Variants in TLN2 observed in about 807,000 individuals in gnomAD.
TLN2 encodes the protein talin 2, also known as talin-2.
TLN2 carries 118 observed loss-of-function variants against 294.7 expected under a neutral mutation model. That is an observed-to-expected ratio of 0.40 (90% CI 0.34 to 0.47). TLN2 has a LOEUF of 0.47. Ranked by LOEUF, TLN2 falls within the 20% of genes least tolerant of loss-of-function variation. The pLI is 0.84. For synonymous variants in TLN2, 1,431 were observed against 1,304.5 expected, an observed-to-expected ratio of 1.10 and a Z score of -2.09; for missense variants, 3,083 against 3,282.2, an observed-to-expected ratio of 0.94 and a Z score of 1.48.
chr15:62,794,500 GTC>G (rs1471904872), intron 46 of TLN2, among the ~76,000 whole-genome samples: 4 of 152,146 alleles, frequency 2.6e-5, no homozygotes, highest in Non-Finnish European at 5.9e-5. Flanking sequence ...GGCTAAGAAT[GTC>G]TCTCTCCCAG....
chr15:62,491,343 TATATATATACAC>T (rs1293076476), intron 1 of TLN2, among the ~76,000 whole-genome samples: 103 of 113,578 alleles, frequency 9.1e-4, no homozygotes, highest in African/African-American at 3.3e-3. Flanking sequence ...AAAAAATATA[TATATATATACAC>T]ACACACACAC....
intron 1 of TLN2, among the ~76,000 whole-genome samples, chr15:62,475,666 A>G (rs2037745318): frequency 2.0e-5 from 3 of 152,250 alleles, no homozygotes; most frequent in South Asian, 4.1e-4. Flanking sequence ...TCCCTCTACA[A>G]TTTTTAGATT....
chr15:62,674,035 C>T (rs1406641072), intron 10 of TLN2, 145 bp downstream of exon 10: 1 of 566,362 alleles, frequency 1.8e-6, no homozygotes, highest in East Asian at 2.9e-5. Context: ...AGTATAGAAG[C>T]TGACAGTCCT....
At chr15:62,836,938 C>G (rs1390751874) in intron 57 of TLN2, among the ~76,000 whole-genome samples, 1 of 151,794 alleles carries the variant, frequency 6.6e-6, no homozygotes. Flanking sequence ...CTATGCAAAG[C>G]TAGCTGGCCC....
rs763316593 is a variant in TLN2 at position 62,717,642 on chromosome 15, T to G, written c.2830T>G (p.Ser944Ala). The change falls in exon 24 of 59, where the codon TCC becomes GCC. Residue 944 changes from serine to alanine, a missense_variant. Physicochemically the swap from Ser to Ala is moderately conservative, Grantham distance 99. Coordinates refer to ENST00000636159, the MANE Select transcript of TLN2 (RefSeq NM_015059.3). Reference protein sequence around the residue: ...TIAASQNAAVSNKNPAAQQQL... With the variant: ...TIAASQNAAVANKNPAAQQQL... ...CGCCGCCTCCCAGAATGCAGCTGTT[T>G]CCAACAAGAACCCTGCGGCCCAGCA... 2 of 1,605,556 alleles carry G rather than the reference T, an allele frequency of 1.2e-6. No individual in the cohort carries two copies. Among genetic ancestry groups the G allele is most frequent in the Non-Finnish European group, 8.5e-7 (1 of 1,176,654 alleles).
intron 1 of TLN2, among the ~76,000 whole-genome samples, chr15:62,517,711 A>G (rs759096851): frequency 3.9e-5 from 6 of 152,330 alleles, no homozygotes; most frequent in African/African-American, 7.2e-5. Flanking sequence ...GTGGCTTACC[A>G]CATTACCCAC....
intron 21 of TLN2, among the ~76,000 whole-genome samples, chr15:62,711,137 C>T (rs2059406982): frequency 6.6e-6 from 1 of 152,116 alleles, no homozygotes; most frequent in African/African-American, 2.4e-5. Flanking sequence ...TATAGTGCTT[C>T]GGCATTCTTC....
rs992310342 is a variant in TLN2 at position 62,667,114 on chromosome 15, C to T, written c.789-6713C>T. Among the ~76,000 whole-genome samples the T allele has an allele frequency of 8.5e-5, 13 of 152,258 alleles. No homozygotes were observed. In the East Asian group the frequency reaches 1.2e-3, roughly 14 times the overall value. The stretch of plus-strand genomic sequence containing the variant: ...CCGAGTAGCTGGGACTACAGGCGCC[C>T]ACCACCACGCCCGGCTAATTTTTTG... On this transcript the variant is annotated intron_variant, in intron 9 of 58. Transcript: ENST00000636159.
At chr15:62,458,685 C>T (rs946997547) in intron 1 of TLN2, among the ~76,000 whole-genome samples, 1 of 151,396 alleles carries the variant, frequency 6.6e-6, no homozygotes, top group Non-Finnish European at 1.5e-5. Context: ...GGGAGGGTCA[C>T]CTGAGTCCAG....
At position 62,808,633 on chromosome 15, in the gene TLN2, C is replaced by A. The variant is rs1360773923; in HGVS notation, c.6664-1292C>A. Among the ~76,000 whole-genome samples, 6 of 152,338 alleles carry A rather than the reference C, an allele frequency of 3.9e-5. No homozygotes were observed. The East Asian group carries it at 1.2e-3, about 29-fold the overall frequency. On this transcript the variant is annotated intron_variant, in intron 51 of 58. Coordinates refer to ENST00000636159, the MANE Select transcript of TLN2 (RefSeq NM_015059.3). ...TCCCTACACACGGGCTTGCACATAACCTGCTGGAAGTGACTCTGAGTAGCA... is the reference window on the plus strand; with the variant it reads ...TCCCTACACACGGGCTTGCACATAAACTGCTGGAAGTGACTCTGAGTAGCA...
At chr15:62,532,951 T>A (rs2041128578) in intron 1 of TLN2, among the ~76,000 whole-genome samples, 1 of 151,718 alleles carries the variant, frequency 6.6e-6, no homozygotes, top group African/African-American at 2.4e-5. Flanking sequence ...GGGGAAGGGG[T>A]TGTTAAACAT....
At chr15:62,466,368 G>C (rs567695319) in intron 1 of TLN2, among the ~76,000 whole-genome samples, 1 of 152,322 alleles carries the variant, frequency 6.6e-6, no homozygotes, top group South Asian at 2.1e-4. Flanking sequence ...CACTGTTGCC[G>C]TTTGGGGCTG....
intron 1 of TLN2, among the ~76,000 whole-genome samples, chr15:62,553,450 A>G (rs974877032): frequency 6.6e-6 from 1 of 152,266 alleles, no homozygotes; most frequent in East Asian, 1.9e-4. Context: ...ACGCCATTGC[A>G]CTCCAGTGTG....
At chr15:62,723,911 G>A (rs999281812) in intron 26 of TLN2, among the ~76,000 whole-genome samples, 1 of 152,014 alleles carries the variant, frequency 6.6e-6, no homozygotes, top group Non-Finnish European at 1.5e-5. Flanking sequence ...CACTTTGGGA[G>A]GCCAAGGTGG....
intron 1 of TLN2, among the ~76,000 whole-genome samples, chr15:62,405,900 A>T (rs1470977940): frequency 6.6e-6 from 1 of 152,196 alleles, no homozygotes; most frequent in Non-Finnish European, 1.5e-5. Flanking sequence ...TAGGCTGGAG[A>T]CAGCCCAATG....
chr15:62,589,750 C>G lies in TLN2; in HGVS notation c.-174C>G, dbSNP rs2045936834. On this transcript the variant is annotated 5_prime_UTR_variant, in exon 2 of 59. Transcript: ENST00000636159. ...CAGGGAAATACGCTCTTAATAGAAACTGAGAATTTAAGGTAAGTCCTTTCG... is the reference window on the plus strand; with the variant it reads ...CAGGGAAATACGCTCTTAATAGAAAGTGAGAATTTAAGGTAAGTCCTTTCG... The G allele has an allele frequency of 6.6e-6, 1 of 152,172 alleles. No homozygotes were observed. Among genetic ancestry groups the G allele is most frequent in the Non-Finnish European group, 1.5e-5 (1 of 68,022 alleles). 9.4% of individuals were successfully genotyped at this position (152,172 alleles called of 1,614,324 possible).
chr15:62,591,843 G>A (rs753798692), intron 2 of TLN2, among the ~76,000 whole-genome samples: 1 of 152,168 alleles, frequency 6.6e-6, no homozygotes, highest in Non-Finnish European at 1.5e-5. Flanking sequence ...GCTCAGGATG[G>A]AGAAGAGCTT....
chr15:62,626,736 A>G (rs2049319371), intron 3 of TLN2, among the ~76,000 whole-genome samples: 1 of 152,204 alleles, frequency 6.6e-6, no homozygotes, highest in African/African-American at 2.4e-5. Context: ...CCAAGGACAC[A>G]CAGCTCTTAT....
At chr15:62,512,478 G>A (rs762861605) in intron 1 of TLN2, among the ~76,000 whole-genome samples, 1 of 152,118 alleles carries the variant, frequency 6.6e-6, no homozygotes, top group Admixed American at 6.5e-5. Context: ...TTAAATTGCT[G>A]TAGAGGCTAC....
Sources: allele counts gnomAD v4.1 joint callset (sites outside exome capture counted in the v4.1 genomes callset), GRCh38; gene constraint gnomAD v4.1.1; transcripts MANE v1.5; gene names NCBI Gene and HGNC (gene_info 2026-07-23, HGNC 2026-07-21).